Variants in MRPS28 observed in about 807,000 individuals in gnomAD.
MRPS28 encodes the protein mitochondrial ribosomal protein S28, also known as small ribosomal subunit protein bS1m.
Under a neutral mutation model 10.8 loss-of-function variants are expected in MRPS28, and 7 were observed. The ratio of observed to expected loss-of-function variants is 0.65; its 90% CI spans 0.37 to 1.22. The LOEUF (loss-of-function observed/expected upper bound fraction) is 1.22. Ranked by LOEUF, MRPS28 falls within the 50% of genes most tolerant of loss-of-function variation. The pLI is 0.02. For missense variants in MRPS28, 265 were observed against 232.9 expected (o/e 1.14, Z -0.90); for synonymous variants, 121 against 93.3 (o/e 1.30, Z -1.71).
chr8:79,996,378 C>G (rs1808502059), intron 2 of MRPS28, among the ~76,000 whole-genome samples: 1 of 152,162 alleles, frequency 6.6e-6, no homozygotes, highest in Admixed American at 6.5e-5. Context: ...CATACTATTT[C>G]CTAGTCTGTT....
chr8:79,966,326 T>A (rs967480711), intron 2 of MRPS28, among the ~76,000 whole-genome samples: 3 of 151,978 alleles, frequency 2.0e-5, no homozygotes, highest in Non-Finnish European at 4.4e-5. Flanking sequence ...TAAACTTGCA[T>A]GAAAGTAGTA....
intron 2 of MRPS28, among the ~76,000 whole-genome samples, chr8:79,926,842 T>C (rs1249168712): frequency 6.6e-6 from 1 of 152,258 alleles, no homozygotes; most frequent in Admixed American, 6.5e-5. Context: ...AAAATACTGA[T>C]GGCCTGGGGT....
chr8:79,939,892 C>A (rs1000734950), intron 2 of MRPS28, among the ~76,000 whole-genome samples: 3 of 151,876 alleles, frequency 2.0e-5, no homozygotes, highest in Non-Finnish European at 2.9e-5. Context: ...ATGGCGTGAA[C>A]CCGGGAGGCG....
chr8:79,947,850 G>A (rs1806965517), intron 2 of MRPS28, among the ~76,000 whole-genome samples: 1 of 151,310 alleles, frequency 6.6e-6, no homozygotes, highest in African/African-American at 2.4e-5. Flanking sequence ...TGTTAGCCGG[G>A]ATGGTCTTGA....
At chr8:79,954,578 G>C (rs1314911628) in intron 2 of MRPS28, among the ~76,000 whole-genome samples, 1 of 152,100 alleles carries the variant, frequency 6.6e-6, no homozygotes, top group African/African-American at 2.4e-5. Context: ...GCCTGCATTT[G>C]CAAGTATTAG....
At chr8:80,006,399 G>C (rs190105636) in intron 1 of MRPS28, among the ~76,000 whole-genome samples, 293 of 151,866 alleles carry the variant, frequency 1.9e-3, no homozygotes, top group Non-Finnish European at 3.2e-3. Flanking sequence ...ATAACAAAAT[G>C]AACGCAGAAA....
intron 2 of MRPS28, among the ~76,000 whole-genome samples, chr8:79,990,483 C>T (rs1041430168): frequency 7.9e-5 from 12 of 152,046 alleles, no homozygotes; most frequent in Non-Finnish European, 2.9e-5. Flanking sequence ...AATGCCAATC[C>T]CCAAACACCA....
At chr8:79,983,617 C>A (rs572749712) in intron 2 of MRPS28, among the ~76,000 whole-genome samples, 96 of 152,140 alleles carry the variant, frequency 6.3e-4, no homozygotes, top group South Asian at 4.6e-3. Context: ...TCGAGAACTA[C>A]GTGAAGAATG....
intron 2 of MRPS28, among the ~76,000 whole-genome samples, chr8:79,949,610 G>A (rs2129964492): frequency 6.6e-6 from 1 of 152,144 alleles, no homozygotes; most frequent in Non-Finnish European, 1.5e-5. Flanking sequence ...CCTATAATCA[G>A]ATATTATGTA....
chr8:79,995,683 T>C (rs1020620556), intron 2 of MRPS28, among the ~76,000 whole-genome samples: 1 of 152,168 alleles, frequency 6.6e-6, no homozygotes, highest in African/African-American at 2.4e-5. Context: ...TGACATCAAG[T>C]AGCTACACAG....
intron 2 of MRPS28, among the ~76,000 whole-genome samples, chr8:79,942,100 T>C (rs1175269958): frequency 1.3e-5 from 2 of 152,132 alleles, no homozygotes; most frequent in African/African-American, 2.4e-5. Flanking sequence ...AGTCTCTTAC[T>C]GAGGGGACAA....
intron 1 of MRPS28, among the ~76,000 whole-genome samples, chr8:80,024,418 G>A (rs932596865): frequency 1.4e-4 from 22 of 152,072 alleles, no homozygotes; most frequent in African/African-American, 5.3e-4. Flanking sequence ...ATTTAACTTC[G>A]GTTCCCTTTA....
rs1278283110 is a variant in MRPS28, at chr8:80,003,148, A to G, written c.246T>C (p.Ser82=). The part of the protein sequence containing the change: ...GSPKNVESFA[S]MLRHSPLTQM... Reference sequence around the variant, plus strand: ...GTGTAAGAGGAGAATGTCTCAGCATAGATGCAAAGGATTCCACATTTTTTG... The same window carrying G: ...GTGTAAGAGGAGAATGTCTCAGCATGGATGCAAAGGATTCCACATTTTTTG... Residue 82 remains serine, a synonymous_variant, in exon 2 of 3, where the codon TCT becomes TCC. Coordinates refer to ENST00000276585, the MANE Select transcript of MRPS28 (RefSeq NM_014018.3). 1.2e-6 allele frequency: 2 copies of G among 1,600,218 alleles called. No homozygotes were observed. The highest frequency in any genetic ancestry group is 1.7e-4 in the Middle Eastern group (1 of 6,010).
intron 2 of MRPS28, among the ~76,000 whole-genome samples, chr8:79,995,212 TAA>T (rs1808469897): frequency 6.6e-6 from 1 of 152,180 alleles, no homozygotes; most frequent in Non-Finnish European, 1.5e-5. Flanking sequence ...AGATGCTCAT[TAA>T]AAGTTTGGTG....
At chr8:79,981,059 T>C (rs1172544948) in intron 2 of MRPS28, among the ~76,000 whole-genome samples, 1 of 152,234 alleles carries the variant, frequency 6.6e-6, no homozygotes, top group Non-Finnish European at 1.5e-5. Flanking sequence ...TCGGGCGCAG[T>C]GGCTCACACC....
intron 1 of MRPS28, among the ~76,000 whole-genome samples, chr8:80,020,253 G>C (rs1331077118): frequency 1.3e-5 from 2 of 152,146 alleles, no homozygotes; most frequent in African/African-American, 4.8e-5. Context: ...AAAACAGATT[G>C]TAAATGTTTC....
At chr8:80,029,977 C>A in intron 1 of MRPS28, 59 bp downstream of exon 1, 6 of 1,579,228 alleles carry the variant, frequency 3.8e-6, no homozygotes, top group Non-Finnish European at 5.2e-6. Flanking sequence ...ATTCCCGACC[C>A]CGCCCACCGC....
chr8:79,948,034 C>T (rs1806971026), intron 2 of MRPS28, among the ~76,000 whole-genome samples: 1 of 150,270 alleles, frequency 6.7e-6, no homozygotes, highest in Non-Finnish European at 1.5e-5. Flanking sequence ...GTCACCCAGG[C>T]TGGAGTGCAG....
chr8:80,028,421 A>C (rs1449524210), intron 1 of MRPS28, among the ~76,000 whole-genome samples: 2 of 151,890 alleles, frequency 1.3e-5, no homozygotes, highest in Non-Finnish European at 2.9e-5. Context: ...AATCATCGCT[A>C]TTCTGCTAGT....
Sources: gnomAD v4.1 joint callset for allele counts (sites outside exome capture counted in the v4.1 genomes callset) on GRCh38, gnomAD v4.1.1 for gene constraint, MANE v1.5 for transcripts, NCBI Gene and HGNC (gene_info 2026-07-23, HGNC 2026-07-21) for gene names.